The following COP1 variants were observed in gnomAD, a reference collection of about 807,000 sequenced individuals.
COP1 encodes COP1 E3 ubiquitin ligase, also known as E3 ubiquitin-protein ligase COP1.
A neutral mutation model predicts 101.3 loss-of-function variants in COP1; 24 were observed. That is an observed-to-expected ratio of 0.24 (90% CI 0.17 to 0.33). The LOEUF is 0.33. Ranked by LOEUF, COP1 falls within the 10% of genes least tolerant of loss-of-function variation. The probability of loss-of-function intolerance (pLI) is 1.00; values close to 1 mark genes in which losing one functional copy is unlikely to be tolerated. For synonymous variants in COP1, 347 were observed against 341.9 expected (o/e 1.01, Z -0.17); for missense variants, 663 against 906.2 (o/e 0.73, Z 3.45).
intron 1 of COP1, among the ~76,000 whole-genome samples, chr1:176,187,458 A>G (rs925046753): frequency 1.3e-5 from 2 of 151,468 alleles, no homozygotes; most frequent in African/African-American, 4.9e-5. Context: ...TATGTTGCTC[A>G]GGCTGTTCTC....
chr1:176,109,829 T>C (rs1336469828), intron 9 of COP1, among the ~76,000 whole-genome samples: 3 of 152,178 alleles, frequency 2.0e-5, no homozygotes, highest in African/African-American at 7.2e-5. Flanking sequence ...ATGTTGTATA[T>C]GGGCTTTTTT....
intron 9 of COP1, among the ~76,000 whole-genome samples, chr1:176,097,537 G>A (rs539378193): frequency 1.2e-4 from 18 of 152,168 alleles, no homozygotes; most frequent in African/African-American, 4.3e-4. Context: ...TGTTGTGTGT[G>A]TGATGTCTAT....
At chr1:176,059,048 C>T (rs1476382274) in intron 11 of COP1, among the ~76,000 whole-genome samples, 1 of 152,242 alleles carries the variant, frequency 6.6e-6, no homozygotes, top group Non-Finnish European at 1.5e-5. Flanking sequence ...TGCCCTCTAA[C>T]TTCAAGGGAC....
chr1:176,006,028 G>A (rs1663100289), intron 15 of COP1, among the ~76,000 whole-genome samples: 2 of 152,156 alleles, frequency 1.3e-5, no homozygotes, highest in Admixed American at 1.3e-4. Flanking sequence ...GAGTCTGGGT[G>A]CCCTTGTATT....
intron 11 of COP1, among the ~76,000 whole-genome samples, chr1:176,070,632 A>T (rs1676822547): frequency 1.3e-5 from 2 of 152,170 alleles, no homozygotes; most frequent in Admixed American, 1.3e-4. Context: ...ACTGCACTCC[A>T]GCCTGAGCAA....
At chr1:176,005,640 G>A (rs375475898) in intron 15 of COP1, among the ~76,000 whole-genome samples, 1 of 151,568 alleles carries the variant, frequency 6.6e-6, no homozygotes, top group African/African-American at 2.4e-5. Flanking sequence ...AGGTTGTTCA[G>A]TTTCCATGAA....
rs375448657 is a variant in COP1, at chr1:176,014,740, G to T, written c.1729+12832C>A. On this transcript the variant is annotated intron_variant, in intron 15 of 19. Transcript: ENST00000367669. ...AAAAATTAGGCAAAAACCAATGTGT[G>T]TGTATGTATACATACATATATATGT... 2.6e-3 allele frequency among the ~76,000 whole-genome samples: 400 copies of T among 152,136 alleles called. 3 individuals carry two copies. Among genetic ancestry groups the T allele is most frequent in the African/African-American group, 9.2e-3 (382 of 41,496 alleles).
At chr1:176,155,913 A>G (rs1468298590) in intron 5 of COP1, among the ~76,000 whole-genome samples, 1 of 152,110 alleles carries the variant, frequency 6.6e-6, no homozygotes, top group Non-Finnish European at 1.5e-5. Context: ...TCTGCTTTAC[A>G]AGAAATAGTA....
chr1:176,181,832 A>C (rs1360315213), intron 2 of COP1, among the ~76,000 whole-genome samples: 1 of 150,764 alleles, frequency 6.6e-6, no homozygotes, highest in Non-Finnish European at 1.5e-5. Context: ...ACAGAGCGAG[A>C]CTCCATCTCA....
chr1:176,026,111 T>C (rs1032438892), intron 15 of COP1, among the ~76,000 whole-genome samples: 1 of 152,014 alleles, frequency 6.6e-6, no homozygotes, highest in East Asian at 1.9e-4. Flanking sequence ...TGTATGAAAA[T>C]GTATAATACT....
At chr1:176,095,270 G>A (rs1682122552) in intron 9 of COP1, among the ~76,000 whole-genome samples, 1 of 152,222 alleles carries the variant, frequency 6.6e-6, no homozygotes, top group Admixed American at 6.5e-5. Context: ...AAGAGTTACA[G>A]AATTTAGAAT....
intron 5 of COP1, among the ~76,000 whole-genome samples, chr1:176,150,339 T>C (rs1215601799): frequency 2.0e-5 from 3 of 152,200 alleles, no homozygotes; most frequent in Non-Finnish European, 4.4e-5. Context: ...ATAATATAAC[T>C]GAATTAATAT....
At chr1:175,978,125 T>C (rs1473140452) in intron 18 of COP1, among the ~76,000 whole-genome samples, 1 of 152,104 alleles carries the variant, frequency 6.6e-6, no homozygotes, top group Admixed American at 6.6e-5. Flanking sequence ...TTTCTTTTCT[T>C]CCCTTAAAAA....
intron 18 of COP1, among the ~76,000 whole-genome samples, chr1:175,983,549 T>TA (rs1656380231): frequency 1.3e-5 from 2 of 152,130 alleles, no homozygotes; most frequent in African/African-American, 4.8e-5. Context: ...AATGGACTAA[T>TA]ACAGAAAATT....
At chr1:176,169,268 C>T (rs934898710) in intron 3 of COP1, among the ~76,000 whole-genome samples, 4 of 152,062 alleles carry the variant, frequency 2.6e-5, no homozygotes, top group Non-Finnish European at 4.4e-5. Flanking sequence ...CCTTGGTAAA[C>T]GGTACATTCA....
intron 9 of COP1, among the ~76,000 whole-genome samples, chr1:176,093,097 A>G (rs1681629541): frequency 6.6e-6 from 1 of 152,226 alleles, no homozygotes; most frequent in South Asian, 2.1e-4. Context: ...GTTCAAATAC[A>G]GCCAAAACAA....
rs893191628 is a variant in COP1, at chr1:176,206,959, G to A, written c.20C>T (p.Ala7Val). 7.7e-6 allele frequency: 11 copies of A among 1,428,878 alleles called. No individual in the cohort carries two copies. The East Asian group carries it at 1.8e-4, about 24-fold the overall frequency. The allele number at this position is 1,428,878 out of a possible 1,614,324, so 88.5% of individuals were successfully genotyped here. A position where few individuals can be genotyped will look rare whatever the true frequency, so the allele number is the denominator to read the frequency against. MSGSRQ[A>V]GSGSAGTSPG... The stretch of plus-strand genomic sequence containing the variant: ...GCTTGTCCCAGCGGAGCCCGACCCG[G>A]CCTGGCGGCTACCAGACATCGTGAC... Residue 7 changes from alanine (A) to valine (V), a missense_variant, in exon 1 of 20, where the codon GCC becomes GTC. Ala to Val is a moderately conservative substitution (Grantham distance 64). Coordinates refer to ENST00000367669, the MANE Select transcript of COP1 (RefSeq NM_022457.7).
intron 15 of COP1, among the ~76,000 whole-genome samples, chr1:175,993,558 T>C (rs1209401840): frequency 2.6e-5 from 4 of 152,274 alleles, no homozygotes; most frequent in South Asian, 4.1e-4. Context: ...AAGGAGCTGA[T>C]GGAGCTGAAA....
chr1:176,089,321 A>AACAACG (rs890220819), intron 9 of COP1, among the ~76,000 whole-genome samples: 3 of 151,896 alleles, frequency 2.0e-5, no homozygotes, highest in African/African-American at 7.3e-5. Context: ...CAACAACAAC[A>AACAACG]ACAACAATCT....
Sources: gnomAD v4.1 joint callset for allele counts (sites outside exome capture counted in the v4.1 genomes callset) on GRCh38, gnomAD v4.1.1 for gene constraint, MANE v1.5 for transcripts, NCBI Gene and HGNC (gene_info 2026-07-23, HGNC 2026-07-21) for gene names.